Variants in PRTG observed in about 807,000 individuals in gnomAD.
PRTG encodes the protein protogenin, also known as immunoglobulin superfamily, DCC subclass, member 5.
PRTG carries 67 observed loss-of-function variants against 122.5 expected under a neutral mutation model. The observed-to-expected ratio is 0.55, with a 90% CI of 0.45 to 0.67. The LOEUF (loss-of-function observed/expected upper bound fraction) is 0.67, where lower values mean the gene tolerates loss of function less well. Ranked by LOEUF, PRTG falls within the 30% of genes least tolerant of loss-of-function variation. PRTG has a pLI of 0.00. For missense variants in PRTG, 1,435 were observed against 1,415.4 expected (o/e 1.01, Z -0.22); for synonymous variants, 554 against 501.1 (o/e 1.11, Z -1.41).
At chr15:55,696,862 A>G (rs866113942) in intron 2 of PRTG, among the ~76,000 whole-genome samples, 23 of 152,226 alleles carry the variant, frequency 1.5e-4, no homozygotes, top group African/African-American at 5.3e-4. Flanking sequence ...GAAAATATTT[A>G]GATCAAAATA....
At chr15:55,740,752 A>C in intron 1 of PRTG, 68 bp from the exon 2 acceptor site, 1 of 1,288,870 alleles carries the variant, frequency 7.8e-7, no homozygotes, top group Non-Finnish European at 1.1e-6. Flanking sequence ...TTAACACACA[A>C]CTGTAAAACA....
chr15:55,648,406 A>G (rs2059335641), intron 11 of PRTG, among the ~76,000 whole-genome samples: 1 of 152,220 alleles, frequency 6.6e-6, no homozygotes. Context: ...CATATGATCT[A>G]ACAATAATAA....
rs750895354 is a variant in PRTG, at chr15:55,628,839, T to C, written c.2789A>G (p.Asp930Gly). ...SESNQRPKRL[D>G]SADAKVYSGY... ...ATACAGACCTTTGGCATCAGCAGAATCTAAACGCTTGGGCCTCTGATTTGA... is the reference window on the plus strand; with the variant it reads ...ATACAGACCTTTGGCATCAGCAGAACCTAAACGCTTGGGCCTCTGATTTGA... Residue 930 changes from aspartate (D) to glycine (G), a missense_variant, in exon 16 of 20, where the codon GAT (aspartate) becomes GGT (glycine). Coordinates refer to ENST00000389286, the MANE Select transcript of PRTG (RefSeq NM_173814.6). The C allele has an allele frequency of 2.5e-6, 4 of 1,613,328 alleles. No individual in the cohort carries two copies. The East Asian group carries it at 6.7e-5, about 27-fold the overall frequency.
chr15:55,730,055 A>G (rs2031176114), intron 2 of PRTG, among the ~76,000 whole-genome samples: 1 of 152,218 alleles, frequency 6.6e-6, no homozygotes, highest in South Asian at 2.1e-4. Flanking sequence ...CACAAAAATG[A>G]AAGTCGCTTT....
intron 11 of PRTG, among the ~76,000 whole-genome samples, chr15:55,652,286 G>A (rs1316622893): frequency 2.0e-5 from 3 of 152,082 alleles, no homozygotes; most frequent in Admixed American, 6.6e-5. Context: ...CTGATATAAC[G>A]TCAGGATATG....
intron 11 of PRTG, among the ~76,000 whole-genome samples, chr15:55,645,095 T>C (rs1230877443): frequency 9.2e-5 from 14 of 152,102 alleles, no homozygotes. Context: ...CCTGGTTCAT[T>C]CTTGTTCATT....
At chr15:55,738,112 A>G (rs1466735954) in intron 2 of PRTG, 20 of 142,186 alleles carry the variant, frequency 1.4e-4, no homozygotes, top group African/African-American at 4.3e-4. Context: ...AACACAGGAT[A>G]AAGGGATTTG....
Position 55,673,549 on chromosome 15 carries a change from TAGG to T in PRTG, c.1671_1673del (p.Leu558del). ...GAACTTGGATTGAATTCTCAGTACT[TAGG>T]CGGAAAGACAAGCGATACAGCACCA... On this transcript the variant is annotated inframe_deletion, in exon 10 of 20. Coordinates refer to ENST00000389286, the MANE Select transcript of PRTG (RefSeq NM_173814.6). 6.2e-7 allele frequency: 1 copy of T among 1,614,110 alleles called. No homozygotes were observed. Among genetic ancestry groups the T allele is most frequent in the South Asian group, 1.1e-5 (1 of 91,088 alleles).
intron 6 of PRTG, chr15:55,679,841 A>AT: frequency 1.9e-6 from 1 of 526,264 alleles, no homozygotes; most frequent in African/African-American, 1.9e-5. Context: ...AAGAAGGAAC[A>AT]TAATGGTATG....
intron 1 of PRTG, 37 bp from the exon 2 acceptor site, chr15:55,740,721 T>C (rs754787634): frequency 1.9e-6 from 3 of 1,545,346 alleles, no homozygotes; most frequent in Non-Finnish European, 2.6e-6. Context: ...ACATCCAGAA[T>C]TACAGGCATA....
At position 55,665,507 on chromosome 15, in the gene PRTG, G is replaced by GT. The variant is rs372611832; in HGVS notation, c.2041+6937dup. Among the ~76,000 whole-genome samples the GT allele has an allele frequency of 7.8e-3, 950 of 121,488 alleles. 11 individuals carry two copies. Among genetic ancestry groups the GT allele is most frequent in the African/African-American group, 0.026 (721 of 27,838 alleles). 79.7% of individuals were successfully genotyped at this position (121,488 alleles called of 152,430 possible). A position where few individuals can be genotyped will look rare whatever the true frequency, so the allele number is the denominator to read the frequency against. ...CCTGTCAGCTAAAAAGGTTTTTTTT[G>GT]TTTTTTTTTTTTTTAATCTTTCAGT... On this transcript the variant is annotated intron_variant, in intron 11 of 19. Transcript: ENST00000389286.
intron 8 of PRTG, 136 bp downstream of exon 8, chr15:55,677,661 G>C (rs989073171): frequency 1.3e-5 from 9 of 718,890 alleles, no homozygotes; most frequent in African/African-American, 3.6e-5. Context: ...ATAGGTGATA[G>C]ATTATTTTAT....
At chr15:55,627,417 G>A (rs1267300505) in intron 16 of PRTG, among the ~76,000 whole-genome samples, 2 of 148,020 alleles carry the variant, frequency 1.4e-5, no homozygotes, top group African/African-American at 2.5e-5. Flanking sequence ...TCCAACTCCC[G>A]GGTTCCTGCC....
At chr15:55,661,548 T>C (rs979766984) in intron 11 of PRTG, among the ~76,000 whole-genome samples, 5 of 152,210 alleles carry the variant, frequency 3.3e-5, no homozygotes, top group Non-Finnish European at 5.9e-5. Flanking sequence ...ATCTGTGCTA[T>C]GCAGTTTCAG....
chr15:55,738,405 G>C, intron 2 of PRTG: 1 of 680,242 alleles, frequency 1.5e-6, no homozygotes, highest in Non-Finnish European at 2.7e-6. Context: ...ATTCTATCAG[G>C]CTTCTCAGGA....
chr15:55,716,622 C>A (rs1414303867), intron 2 of PRTG, among the ~76,000 whole-genome samples: 2 of 152,176 alleles, frequency 1.3e-5, no homozygotes, highest in African/African-American at 2.4e-5. Flanking sequence ...CCCCCTAAAT[C>A]ACCAGACCAT....
chr15:55,690,570 G>A (rs769524451), intron 2 of PRTG, among the ~76,000 whole-genome samples: 89 of 152,238 alleles, frequency 5.8e-4, no homozygotes, highest in Admixed American at 1.4e-3. Flanking sequence ...CTGACATGAT[G>A]CTCAAAGGAA....
At chr15:55,706,841 C>T (rs765587438) in intron 2 of PRTG, among the ~76,000 whole-genome samples, 3 of 152,108 alleles carry the variant, frequency 2.0e-5, no homozygotes, top group African/African-American at 4.8e-5. Context: ...AAAGATGCAA[C>T]TGCAGGGCAG....
intron 11 of PRTG, among the ~76,000 whole-genome samples, chr15:55,641,637 A>T (rs2059291044): frequency 6.6e-6 from 1 of 152,202 alleles, no homozygotes; most frequent in African/African-American, 2.4e-5. Flanking sequence ...TCAAACTGAG[A>T]TTGTTTTATT....
Sources: gnomAD v4.1 joint callset for allele counts (sites outside exome capture counted in the v4.1 genomes callset) on GRCh38, gnomAD v4.1.1 for gene constraint, MANE v1.5 for transcripts, NCBI Gene and HGNC (gene_info 2026-07-23, HGNC 2026-07-21) for gene names.